PPP1R9A: variants seen among roughly 807,000 people sequenced by gnomAD.
PPP1R9A encodes neurabin-1.
Under a neutral mutation model 141.9 loss-of-function variants are expected in PPP1R9A, and 59 were observed. The ratio of observed to expected loss-of-function variants is 0.42; its 90% CI spans 0.34 to 0.52. The LOEUF is 0.52. PPP1R9A is among the 20% of genes least tolerant of loss of function. The pLI is 0.10. For missense variants in PPP1R9A, 1,444 were observed against 1,611.9 expected (o/e 0.90, Z 1.78); for synonymous variants, 500 against 569.7 (o/e 0.88, Z 1.74).
intron 2 of PPP1R9A, among the ~76,000 whole-genome samples, chr7:95,066,209 T>C (rs147625480): frequency 1.9e-4 from 29 of 152,298 alleles, no homozygotes; most frequent in African/African-American, 7.0e-4. Context: ...GAGGAAACAC[T>C]GTGTGGATAC....
intron 2 of PPP1R9A, among the ~76,000 whole-genome samples, chr7:95,041,355 GA>G (rs2151908415): frequency 6.6e-6 from 1 of 152,126 alleles, no homozygotes; most frequent in East Asian, 1.9e-4. Flanking sequence ...AATCTCAGGA[GA>G]AAAAAAGATT....
chr7:95,040,166 T>A (rs1809026056), intron 2 of PPP1R9A, among the ~76,000 whole-genome samples: 1 of 152,144 alleles, frequency 6.6e-6, no homozygotes, highest in South Asian at 2.1e-4. Flanking sequence ...ACCTACCATA[T>A]AGCATGTTTT....
chr7:94,927,850 G>C (rs1221068024), intron 2 of PPP1R9A, among the ~76,000 whole-genome samples: 1 of 152,102 alleles, frequency 6.6e-6, no homozygotes, highest in Non-Finnish European at 1.5e-5. Flanking sequence ...AAAAATAAGG[G>C]CACAGACCAT....
chr7:94,920,375 T>TTTTTTACAG (rs1341485029), intron 2 of PPP1R9A, among the ~76,000 whole-genome samples: 2 of 152,188 alleles, frequency 1.3e-5, no homozygotes, highest in Non-Finnish European at 2.9e-5. Flanking sequence ...AATTTTTTTT[T>TTTTTTACAG]TTTTTACAGT....
rs150639881 is a variant in PPP1R9A, at chr7:95,202,864, T to A, written c.1891-801T>A. 9.7e-4 allele frequency among the ~76,000 whole-genome samples: 148 copies of A among 152,206 alleles called. 1 individual carries two copies. The East Asian group carries it at 0.024, about 24-fold the overall frequency. ...TATGAACTAGTGCTATATTCCATTT[T>A]TGAGTTAGAAAATAGGTATGGTCAT... is the stretch of plus-strand genomic sequence containing the variant. On this transcript the variant is annotated intron_variant, in intron 6 of 19. Coordinates refer to ENST00000433360, the MANE Select transcript of PPP1R9A (RefSeq NM_001166160.2).
intron 8 of PPP1R9A, among the ~76,000 whole-genome samples, chr7:95,229,226 A>G (rs1037803609): frequency 5.3e-5 from 8 of 151,952 alleles, no homozygotes; most frequent in Admixed American, 5.3e-4. Flanking sequence ...TGCCCCAAGA[A>G]CTACCACAGG....
intron 18 of PPP1R9A, among the ~76,000 whole-genome samples, chr7:95,287,521 C>T (rs1253457936): frequency 6.6e-6 from 1 of 152,114 alleles, no homozygotes; most frequent in Non-Finnish European, 1.5e-5. Flanking sequence ...CTCCTCTCAG[C>T]TTAGTGGGTC....
chr7:95,114,080 A>G (rs1374988696), intron 3 of PPP1R9A, among the ~76,000 whole-genome samples: 1 of 152,156 alleles, frequency 6.6e-6, no homozygotes, highest in East Asian at 1.9e-4. Flanking sequence ...CATATTACTT[A>G]TTTTGGTAGT....
At chr7:95,015,798 C>T (rs1584281585) in intron 2 of PPP1R9A, among the ~76,000 whole-genome samples, 1 of 151,814 alleles carries the variant, frequency 6.6e-6, no homozygotes, top group South Asian at 2.1e-4. Context: ...GTCTGTAATC[C>T]CAGTACTTTG....
chr7:95,101,538 A>C (rs1284967045), intron 2 of PPP1R9A, among the ~76,000 whole-genome samples: 1 of 152,244 alleles, frequency 6.6e-6, no homozygotes, highest in African/African-American at 2.4e-5. Flanking sequence ...CTCCGCAGTA[A>C]AATGGCTCAG....
intron 2 of PPP1R9A, among the ~76,000 whole-genome samples, chr7:95,060,596 C>G (rs2152072026): frequency 6.6e-6 from 1 of 152,244 alleles, no homozygotes; most frequent in South Asian, 2.1e-4. Flanking sequence ...TTAGATAGCA[C>G]AGTTGAAAAT....
rs191839014 is a variant in PPP1R9A, at chr7:95,079,385, C to G, written c.1396-31874C>G. Among the ~76,000 whole-genome samples, 211 of 152,214 alleles carry G rather than the reference C, an allele frequency of 1.4e-3. 2 individuals are homozygous for G. The highest frequency in any genetic ancestry group is 2.4e-4 in the Non-Finnish European group (16 of 68,018). The stretch of plus-strand genomic sequence containing the variant: ...TACCATGCTGTTTTGGTTACTGTAG[C>G]CTGGTAGAAGTTGACTCTCTGAATA... On this transcript the variant is annotated intron_variant, in intron 2 of 19. Transcript: ENST00000433360.
chr7:95,060,243 G>A (rs1812047151), intron 2 of PPP1R9A, among the ~76,000 whole-genome samples: 1 of 152,170 alleles, frequency 6.6e-6, no homozygotes, highest in Non-Finnish European at 1.5e-5. Flanking sequence ...ACACAGTTTT[G>A]AGAGGCTGAC....
chr7:95,156,337 A>G (rs1488185847), intron 4 of PPP1R9A: 2 of 152,298 alleles, frequency 1.3e-5, no homozygotes, highest in African/African-American at 4.8e-5. Flanking sequence ...CAGGACCCCA[A>G]AGAGGGAGTC....
At chr7:94,952,276 A>C (rs975636780) in intron 2 of PPP1R9A, among the ~76,000 whole-genome samples, 1 of 152,070 alleles carries the variant, frequency 6.6e-6, no homozygotes, top group Non-Finnish European at 1.5e-5. Context: ...CTGCAAAGGA[A>C]ATGAACTCAT....
At chr7:95,023,777 C>G (rs545457227) in intron 2 of PPP1R9A, among the ~76,000 whole-genome samples, 9 of 152,270 alleles carry the variant, frequency 5.9e-5, no homozygotes, top group African/African-American at 1.4e-4. Context: ...GGGTGTTAAT[C>G]TCCTGACCCT....
At chr7:94,983,465 T>G (rs1044897432) in intron 2 of PPP1R9A, among the ~76,000 whole-genome samples, 5 of 152,176 alleles carry the variant, frequency 3.3e-5, no homozygotes, top group African/African-American at 1.2e-4. Flanking sequence ...TCCATGAGCA[T>G]GGAATATTCT....
At chr7:94,911,918 T>C (rs1791494226) in intron 2 of PPP1R9A, among the ~76,000 whole-genome samples, 1 of 152,152 alleles carries the variant, frequency 6.6e-6, no homozygotes, top group Admixed American at 6.5e-5. Flanking sequence ...TAATGTACAA[T>C]GGGAGAGTTT....
intron 2 of PPP1R9A, among the ~76,000 whole-genome samples, chr7:95,043,747 C>G (rs924479993): frequency 6.6e-6 from 1 of 152,184 alleles, no homozygotes; most frequent in Non-Finnish European, 1.5e-5. Flanking sequence ...GCCTGTGCCA[C>G]CGGGCCCAGA....
Sources: gnomAD v4.1 joint callset for allele counts (sites outside exome capture counted in the v4.1 genomes callset) on GRCh38, gnomAD v4.1.1 for gene constraint, MANE v1.5 for transcripts, NCBI Gene and HGNC (gene_info 2026-07-23, HGNC 2026-07-21) for gene names.